The following NRXN1 variants were observed in gnomAD, a reference collection of about 807,000 sequenced individuals.
NRXN1 encodes the protein neurexin 1, also known as neurexin-1.
NRXN1 carries 39 observed loss-of-function variants against 150.9 expected under a neutral mutation model. That is an observed-to-expected ratio of 0.26 (90% CI 0.20 to 0.34). The LOEUF (loss-of-function observed/expected upper bound fraction) is 0.34. Ranked by LOEUF, NRXN1 falls within the 10% of genes least tolerant of loss-of-function variation. The pLI is 1.00. For synonymous variants in NRXN1, 924 were observed against 757.0 expected, an observed-to-expected ratio of 1.22 and a Z score of -3.62; for missense variants, 1,815 against 1,949.9, an observed-to-expected ratio of 0.93 and a Z score of 1.30.
At chr2:51,008,849 A>G (rs1373709697) in intron 2 of NRXN1, among the ~76,000 whole-genome samples, 1 of 151,756 alleles carries the variant, frequency 6.6e-6, no homozygotes, top group Non-Finnish European at 1.5e-5. Context: ...ATTTCGTGAT[A>G]ATATTAAGGT....
chr2:50,194,701 T>G (rs967928009), intron 18 of NRXN1, among the ~76,000 whole-genome samples: 61 of 152,166 alleles, frequency 4.0e-4, no homozygotes, highest in African/African-American at 1.4e-3. Context: ...TCTGGAAATT[T>G]AAACATAATT....
chr2:50,045,102 C>T (rs1691604340), intron 21 of NRXN1, among the ~76,000 whole-genome samples: 1 of 152,040 alleles, frequency 6.6e-6, no homozygotes, highest in South Asian at 2.1e-4. Flanking sequence ...CTCCTGAGGT[C>T]CCAGCCTAAT....
intron 5 of NRXN1, among the ~76,000 whole-genome samples, chr2:50,910,305 T>G (rs898808179): frequency 6.6e-6 from 1 of 152,052 alleles, no homozygotes; most frequent in Non-Finnish European, 1.5e-5. Flanking sequence ...GTTCCACTAT[T>G]GTGCATTCAC....
chr2:50,084,225 C>T (rs1293686565), intron 19 of NRXN1, among the ~76,000 whole-genome samples: 1 of 152,210 alleles, frequency 6.6e-6, no homozygotes, highest in African/African-American at 2.4e-5. Context: ...GCCAGTCCGG[C>T]GCCATGCCCT....
intron 17 of NRXN1, among the ~76,000 whole-genome samples, chr2:50,269,550 T>C (rs1425437396): frequency 6.6e-6 from 1 of 152,196 alleles, no homozygotes; most frequent in Non-Finnish European, 1.5e-5. Flanking sequence ...TTTTTAAACA[T>C]GTCAACATAT....
chr2:50,158,680 T>C (rs2059175657), intron 18 of NRXN1, among the ~76,000 whole-genome samples: 1 of 152,154 alleles, frequency 6.6e-6, no homozygotes, highest in South Asian at 2.1e-4. Context: ...AATGCAGCTG[T>C]ATCTTGTTGC....
chr2:50,933,807 T>TA (rs1416224621), intron 2 of NRXN1, among the ~76,000 whole-genome samples: 1 of 152,112 alleles, frequency 6.6e-6, no homozygotes, highest in Non-Finnish European at 1.5e-5. Context: ...TAAGAAAACA[T>TA]GCTGAACAGA....
intron 18 of NRXN1, among the ~76,000 whole-genome samples, chr2:50,226,103 C>T (rs774757330): frequency 6.6e-6 from 1 of 151,956 alleles, no homozygotes; most frequent in Non-Finnish European, 1.5e-5. Flanking sequence ...AGGAGTCAGA[C>T]TGACTGAGTT....
chr2:50,206,560 T>C (rs1379194820), intron 18 of NRXN1, among the ~76,000 whole-genome samples: 1 of 151,942 alleles, frequency 6.6e-6, no homozygotes, highest in Non-Finnish European at 1.5e-5. Context: ...TGAGCATCAG[T>C]ATACCACATC....
intron 8 of NRXN1, among the ~76,000 whole-genome samples, chr2:50,580,155 A>T (rs1435220400): frequency 6.6e-6 from 1 of 152,202 alleles, no homozygotes; most frequent in Non-Finnish European, 1.5e-5. Context: ...TTTCCTGAAG[A>T]AAATGCACAC....
intron 22 of NRXN1, among the ~76,000 whole-genome samples, chr2:49,932,143 T>C (rs1313474772): frequency 6.6e-6 from 1 of 152,172 alleles, no homozygotes; most frequent in Non-Finnish European, 1.5e-5. Flanking sequence ...TTGCTGGGCA[T>C]GGTAATTCAT....
At position 50,936,041 on chromosome 2, in the gene NRXN1, C is replaced by G. The variant is rs548956878; in HGVS notation, c.773-10086G>C. Among the ~76,000 whole-genome samples, 3 of 152,188 alleles carry G rather than the reference C, an allele frequency of 2.0e-5. No individual in the cohort carries two copies. In the East Asian group the frequency reaches 5.8e-4, roughly 29 times the overall value. On this transcript the variant is annotated intron_variant, in intron 2 of 22. Coordinates refer to ENST00000401669, the MANE Select transcript of NRXN1 (RefSeq NM_001330078.2). ...TTGATACATAGTGAATGAAATAAGG[C>G]AATGCATTTATACCTCAATTTCCTA...
At chr2:50,342,860 T>C (rs2077652623) in intron 17 of NRXN1, among the ~76,000 whole-genome samples, 1 of 152,252 alleles carries the variant, frequency 6.6e-6, no homozygotes, top group East Asian at 1.9e-4. Context: ...TGATCAGACA[T>C]CTGGCTCCGT....
intron 21 of NRXN1, chr2:49,969,564 C>T (rs2152493600): frequency 6.6e-6 from 1 of 152,038 alleles, no homozygotes; most frequent in Admixed American, 6.6e-5. Context: ...CATTTTATTA[C>T]ATATATATAA....
At chr2:50,086,414 C>G (rs972350179) in intron 19 of NRXN1, among the ~76,000 whole-genome samples, 13 of 152,112 alleles carry the variant, frequency 8.5e-5, no homozygotes, top group African/African-American at 3.1e-4. Flanking sequence ...TACTCATAAG[C>G]TCTTCCAGAC....
intron 18 of NRXN1, among the ~76,000 whole-genome samples, chr2:50,129,588 T>G (rs561987009): frequency 6.6e-6 from 1 of 152,196 alleles, no homozygotes; most frequent in Non-Finnish European, 1.5e-5. Flanking sequence ...CCATGCTCCA[T>G]GTGTCCTAAT....
chr2:50,210,857 A>C (rs2062965586), intron 18 of NRXN1, among the ~76,000 whole-genome samples: 1 of 151,586 alleles, frequency 6.6e-6, no homozygotes, highest in African/African-American at 2.4e-5. Context: ...TAAAAGATAT[A>C]TTTAGCTTTT....
At chr2:50,951,264 T>A (rs1691287606) in intron 2 of NRXN1, among the ~76,000 whole-genome samples, 1 of 152,102 alleles carries the variant, frequency 6.6e-6, no homozygotes, top group African/African-American at 2.4e-5. Context: ...AGCCTGTAAA[T>A]CTGTGAATGC....
intron 5 of NRXN1, among the ~76,000 whole-genome samples, chr2:50,791,775 G>T (rs535014070): frequency 6.6e-6 from 1 of 152,214 alleles, no homozygotes; most frequent in South Asian, 2.1e-4. Context: ...TTTGCTTAAA[G>T]GTTAAAAGGT....
Sources: gnomAD v4.1 joint callset for allele counts (sites outside exome capture counted in the v4.1 genomes callset) on GRCh38, gnomAD v4.1.1 for gene constraint, MANE v1.5 for transcripts, NCBI Gene and HGNC (gene_info 2026-07-23, HGNC 2026-07-21) for gene names.